Variants in GABRG3 observed in about 807,000 individuals in gnomAD.
The protein encoded by GABRG3 is gamma-aminobutyric acid receptor subunit gamma-3.
A neutral mutation model predicts 48.8 loss-of-function variants in GABRG3; 25 were observed. The observed-to-expected ratio is 0.51, with a 90% confidence interval of 0.37 to 0.72. GABRG3 has a LOEUF of 0.72. Ranked by LOEUF, GABRG3 falls within the 30% of genes least tolerant of loss-of-function variation. The probability of loss-of-function intolerance (pLI) is 0.00; values close to 1 mark genes in which losing one functional copy is unlikely to be tolerated. For synonymous variants in GABRG3, 227 were observed against 217.6 expected (o/e 1.04, Z -0.38); for missense variants, 394 against 577.9 (o/e 0.68, Z 3.26).
chr15:27,331,284 G>A (rs1172547825), intron 5 of GABRG3, among the ~76,000 whole-genome samples: 1 of 152,148 alleles, frequency 6.6e-6, no homozygotes, highest in Non-Finnish European at 1.5e-5. Context: ...ACCAAAACTT[G>A]CATACAGGTG....
chr15:27,169,474 G>A (rs1887490858), intron 3 of GABRG3, among the ~76,000 whole-genome samples: 1 of 152,184 alleles, frequency 6.6e-6, no homozygotes, highest in Non-Finnish European at 1.5e-5. Flanking sequence ...AGGTAGGTTA[G>A]GGATAGATCA....
intron 3 of GABRG3, among the ~76,000 whole-genome samples, chr15:27,091,389 A>C (rs2140755238): frequency 6.6e-6 from 1 of 152,270 alleles, no homozygotes; most frequent in African/African-American, 2.4e-5. Context: ...GCATTGTGTT[A>C]AAGATTTTTG....
chr15:27,448,834 TAA>T (rs56654948), intron 5 of GABRG3, among the ~76,000 whole-genome samples: 1 of 149,988 alleles, frequency 6.7e-6, no homozygotes, highest in Admixed American at 6.7e-5. Context: ...CGAAGTTATT[TAA>T]AAAAAAAACA....
At chr15:27,322,998 C>A (rs1482059645) in intron 3 of GABRG3, among the ~76,000 whole-genome samples, 2 of 152,086 alleles carry the variant, frequency 1.3e-5, no homozygotes, top group African/African-American at 4.8e-5. Flanking sequence ...CGCCTTCCAT[C>A]CAGCTCTGTG....
intron 3 of GABRG3, among the ~76,000 whole-genome samples, chr15:27,285,075 C>G (rs117564198): frequency 6.6e-6 from 1 of 152,054 alleles, no homozygotes; most frequent in Admixed American, 6.5e-5. Context: ...AACTATGGGT[C>G]GTAGTTGCCT....
chr15:27,353,171 G>A (rs373410928), intron 5 of GABRG3, among the ~76,000 whole-genome samples: 3 of 151,976 alleles, frequency 2.0e-5, no homozygotes, highest in African/African-American at 7.3e-5. Flanking sequence ...GTTCTCATCA[G>A]AGTAGACACA....
At position 27,536,498 on chromosome 15, in the gene GABRG3, T is replaced by C. The variant is rs576909897; in HGVS notation, c.*3617T>C. On this transcript the variant is annotated 3_prime_UTR_variant, in exon 10 of 10. Coordinates refer to ENST00000615808, the MANE Select transcript of GABRG3 (RefSeq NM_033223.5). ...ATGGATGGAAATAGGATTTCATTTC[T>C]TTATATGCCAAACAGTCTTACCCTT... 1.3e-5 allele frequency: 2 copies of C among 152,342 alleles called. No individual in the cohort carries two copies. The highest frequency in any genetic ancestry group is 4.8e-5 in the African/African-American group (2 of 41,580). The allele number at this position is 152,342 out of a possible 1,614,324, so 9.4% of individuals were successfully genotyped here. A position where few individuals can be genotyped will look rare whatever the true frequency, so the allele number is the denominator to read the frequency against.
intron 5 of GABRG3, among the ~76,000 whole-genome samples, chr15:27,458,992 C>T (rs930265269): frequency 2.0e-5 from 3 of 152,206 alleles, no homozygotes; most frequent in South Asian, 2.1e-4. Context: ...CATCATTGCT[C>T]GATTCTTCCA....
At chr15:27,311,742 A>G (rs7163252) in intron 3 of GABRG3, among the ~76,000 whole-genome samples, 11,754 of 152,098 alleles carry the variant, frequency 0.077, 1,472 homozygotes, top group African/African-American at 0.27. Context: ...CACTGATGGG[A>G]CACAGTATAT....
chr15:27,122,866 G>A (rs1274500984), intron 3 of GABRG3, among the ~76,000 whole-genome samples: 3 of 152,176 alleles, frequency 2.0e-5, no homozygotes, highest in Admixed American at 6.5e-5. Flanking sequence ...TCCCCGTGTA[G>A]CTCATTTTGG....
Position 26,975,159 on chromosome 15 carries a change from G to C in GABRG3, c.54-1843G>C, listed in dbSNP as rs1440818486. Among the ~76,000 whole-genome samples, 2 of 152,062 alleles carry C rather than the reference G, an allele frequency of 1.3e-5. No individual in the cohort carries two copies. The highest frequency in any genetic ancestry group is 2.9e-5 in the Non-Finnish European group (2 of 68,016). ...CCCAAAGTGTTGGGATTACAGGCGT[G>C]AACAACCATGCCCGGCCAGATGACA... On this transcript the variant is annotated intron_variant, in intron 1 of 9. Coordinates refer to ENST00000615808, the MANE Select transcript of GABRG3 (RefSeq NM_033223.5). This position sits in a 1 kb window ranked among gnomAD's most constrained non-coding sequence, Gnocchi z 4.6.
At chr15:27,044,117 G>T (rs920109536) in intron 3 of GABRG3, among the ~76,000 whole-genome samples, 1 of 152,170 alleles carries the variant, frequency 6.6e-6, no homozygotes. Flanking sequence ...ATCTAACCTC[G>T]GAAGTGATGT....
chr15:27,125,436 GTTAGCA>G (rs1319756420), intron 3 of GABRG3, among the ~76,000 whole-genome samples: 2 of 152,122 alleles, frequency 1.3e-5, no homozygotes, highest in African/African-American at 4.8e-5. Flanking sequence ...GGCAAGTATT[GTTAGCA>G]GTAATTTATT....
chr15:27,422,779 T>A (rs112004193), intron 5 of GABRG3, among the ~76,000 whole-genome samples: 32 of 152,330 alleles, frequency 2.1e-4, no homozygotes, highest in Admixed American at 8.5e-4. Context: ...GGTTTAATCT[T>A]GTTTGAGGGT....
intron 2 of GABRG3, among the ~76,000 whole-genome samples, chr15:27,015,940 G>A (rs1039286316): frequency 1.8e-4 from 27 of 152,134 alleles, no homozygotes; most frequent in African/African-American, 6.5e-4. Flanking sequence ...CAAGTCTTAA[G>A]TCTTGACATG....
In GABRG3 at chr15:27,501,755, C is replaced by G. The variant is rs549289134; in HGVS notation, c.713-18217C>G. On this transcript the variant is annotated intron_variant, in intron 6 of 9. Coordinates refer to ENST00000615808, the MANE Select transcript of GABRG3 (RefSeq NM_033223.5). ...ATTTATAGCTGAGTCCAAGTTCTGT[C>G]TCGTTTGGTTGTGTGCAAGCACCTT... Among the ~76,000 whole-genome samples the G allele has an allele frequency of 2.6e-5, 4 of 152,252 alleles. No individual in the cohort carries two copies. In the South Asian group the frequency reaches 6.2e-4, roughly 24 times the overall value.
intron 3 of GABRG3, among the ~76,000 whole-genome samples, chr15:27,302,120 G>GT (rs2140493687): frequency 6.6e-6 from 1 of 152,186 alleles, no homozygotes; most frequent in East Asian, 1.9e-4. Context: ...GAGAGAAATG[G>GT]TAGATGTATT....
chr15:27,108,181 T>G (rs1370640530), intron 3 of GABRG3, among the ~76,000 whole-genome samples: 1 of 152,170 alleles, frequency 6.6e-6, no homozygotes, highest in Non-Finnish European at 1.5e-5. Context: ...TCTAATACAT[T>G]TGTTTAATGC....
intron 5 of GABRG3, among the ~76,000 whole-genome samples, chr15:27,343,114 A>T (rs1894247151): frequency 1.3e-5 from 2 of 152,126 alleles, no homozygotes; most frequent in African/African-American, 4.8e-5. Flanking sequence ...TGGCTCATGG[A>T]TGGTACTGTG....
Sources: allele counts gnomAD v4.1 joint callset (sites outside exome capture counted in the v4.1 genomes callset), GRCh38; gene constraint gnomAD v4.1.1; non-coding constraint Gnocchi (gnomAD v3.1); transcripts MANE v1.5; gene names NCBI Gene and HGNC (gene_info 2026-07-23, HGNC 2026-07-21).